RAB3B: variants seen among roughly 807,000 people sequenced by gnomAD.
RAB3B encodes RAB3B, member RAS oncogene family.
RAB3B carries 11 observed loss-of-function variants against 20.5 expected under a neutral mutation model. The ratio of observed to expected loss-of-function variants is 0.54; its 90% CI spans 0.34 to 0.89. The LOEUF is 0.89. Among genes scored for constraint, RAB3B ranks in the 40% least tolerant of loss-of-function variants. The pLI, the probability that RAB3B is intolerant of heterozygous loss-of-function variation, is 0.02. For missense variants in RAB3B, 225 were observed against 280.9 expected, an observed-to-expected ratio of 0.80 and a Z score of 1.42; for synonymous variants, 99 against 106.3, an observed-to-expected ratio of 0.93 and a Z score of 0.42.
intron 4 of RAB3B, 91 bp downstream of exon 4, chr1:51,933,227 A>G (rs1279407146): frequency 7.2e-7 from 1 of 1,383,530 alleles, no homozygotes; most frequent in African/African-American, 1.4e-5. Flanking sequence ...CACTAATGTC[A>G]TAAATACAAA....
chr1:51,955,331 T>C (rs1172594405), intron 2 of RAB3B, among the ~76,000 whole-genome samples: 1 of 152,186 alleles, frequency 6.6e-6, no homozygotes, highest in Admixed American at 6.5e-5. Context: ...TACAGCACCC[T>C]CTGACATGAC....
chr1:51,950,359 T>C (rs1475202629), intron 2 of RAB3B, among the ~76,000 whole-genome samples: 1 of 152,238 alleles, frequency 6.6e-6, no homozygotes, highest in African/African-American at 2.4e-5. Flanking sequence ...CCAGTTTGTT[T>C]TTCTGTCTCC....
Position 51,975,885 on chromosome 1 carries a change from G to A in RAB3B, c.228+1005C>T, listed in dbSNP as rs576126775. On this transcript the variant is annotated intron_variant, in intron 2 of 4. Transcript: ENST00000371655. ...CGGGCACCTGTAGTCCCAGCTACTC[G>A]GGAGGCTGAGGCAGGAGAATCGCTT... 8.5e-5 allele frequency among the ~76,000 whole-genome samples: 13 copies of A among 152,048 alleles called. No homozygotes were observed. In the South Asian group the frequency reaches 2.5e-3, roughly 29 times the overall value.
chr1:51,946,268 C>G (rs556929811), intron 2 of RAB3B, among the ~76,000 whole-genome samples: 2 of 152,192 alleles, frequency 1.3e-5, no homozygotes, highest in East Asian at 3.9e-4. Flanking sequence ...TAAAGAAAAG[C>G]GAGGTTGGAA....
chr1:51,946,249 T>A (rs951228708), intron 2 of RAB3B, among the ~76,000 whole-genome samples: 1 of 152,202 alleles, frequency 6.6e-6, no homozygotes, highest in African/African-American at 2.4e-5. Flanking sequence ...TTGACATTTT[T>A]ATTTCACTTA....
intron 1 of RAB3B, among the ~76,000 whole-genome samples, chr1:51,981,168 C>G (rs1240275881): frequency 1.3e-5 from 2 of 152,126 alleles, no homozygotes; most frequent in Non-Finnish European, 2.9e-5. Context: ...GTAGCTGGGA[C>G]TACAGGCATG....
intron 2 of RAB3B, among the ~76,000 whole-genome samples, chr1:51,953,616 C>T (rs1430130491): frequency 6.6e-6 from 1 of 152,268 alleles, no homozygotes; most frequent in Admixed American, 6.5e-5. Context: ...CCAGCCTGAC[C>T]AACATACTAA....
chr1:51,964,580 C>A (rs1684823118), intron 2 of RAB3B, among the ~76,000 whole-genome samples: 1 of 152,038 alleles, frequency 6.6e-6, no homozygotes. Flanking sequence ...CTTAGCATAA[C>A]CAAACTGAAT....
chr1:51,944,679 G>T (rs1684541207), intron 2 of RAB3B, among the ~76,000 whole-genome samples: 1 of 152,166 alleles, frequency 6.6e-6, no homozygotes, highest in Non-Finnish European at 1.5e-5. Context: ...GGAGAACTAG[G>T]ATTAGAAGTG....
chr1:51,962,558 C>T (rs1684798243), intron 2 of RAB3B, among the ~76,000 whole-genome samples: 1 of 152,146 alleles, frequency 6.6e-6, no homozygotes, highest in African/African-American at 2.4e-5. Context: ...TCCCTCTGTT[C>T]ATGTCAATTA....
chr1:51,979,373 C>T (rs1019306270), intron 1 of RAB3B, among the ~76,000 whole-genome samples: 3 of 151,368 alleles, frequency 2.0e-5, no homozygotes, highest in Admixed American at 6.6e-5. Flanking sequence ...TGAGTTCAAG[C>T]GATTCTCCTG....
chr1:51,939,145 C>T (rs1337577824), intron 2 of RAB3B, among the ~76,000 whole-genome samples: 1 of 152,196 alleles, frequency 6.6e-6, no homozygotes, highest in Non-Finnish European at 1.5e-5. Context: ...GTTATCAGGG[C>T]ACATTGGGAT....
chr1:51,931,758 G>A (rs903914900), intron 4 of RAB3B, among the ~76,000 whole-genome samples: 110 of 152,200 alleles, frequency 7.2e-4, no homozygotes, highest in African/African-American at 2.6e-3. Flanking sequence ...GGCTGGGAAA[G>A]GTTTCATAGA....
Position 51,908,950 on chromosome 1 carries a change from G to T in RAB3B, c.*10977C>A, listed in dbSNP as rs1163241888. On this transcript the variant is annotated 3_prime_UTR_variant, in exon 5 of 5. Transcript: ENST00000371655. ...GTAAAGTGCCTAACACATGATCGATGATTTTTGTTATAATATTTGAATCAC... is the reference window on the plus strand; with the variant it reads ...GTAAAGTGCCTAACACATGATCGATTATTTTTGTTATAATATTTGAATCAC... 1.3e-5 allele frequency: 2 copies of T among 152,274 alleles called. No homozygotes were observed. Among genetic ancestry groups the T allele is most frequent in the East Asian group, 1.9e-4 (1 of 5,194 alleles). The allele number at this position is 152,274 out of a possible 1,614,324, so 9.4% of individuals were successfully genotyped here. A position where few individuals can be genotyped will look rare whatever the true frequency, so the allele number is the denominator to read the frequency against.
intron 2 of RAB3B, among the ~76,000 whole-genome samples, chr1:51,950,100 A>G (rs1684618214): frequency 6.6e-6 from 1 of 152,208 alleles, no homozygotes; most frequent in Non-Finnish European, 1.5e-5. Flanking sequence ...GGCCATGAGT[A>G]CTACTGGAAA....
intron 1 of RAB3B, among the ~76,000 whole-genome samples, chr1:51,989,614 C>T (rs1685196860): frequency 6.6e-6 from 1 of 151,818 alleles, no homozygotes; most frequent in Non-Finnish European, 1.5e-5. Context: ...GATTCCTCCA[C>T]TTGCAGCCGC....
chr1:51,967,521 C>CTTTTTTTTTTTT (rs71041868), intron 2 of RAB3B, among the ~76,000 whole-genome samples: 1,426 of 36,374 alleles, frequency 0.039, 482 homozygotes, highest in South Asian at 0.06. Flanking sequence ...TTTTCTTTTT[C>CTTTTTTTTTTTT]TTTTTTTTTT....
At position 51,911,827 on chromosome 1, in the gene RAB3B, C is replaced by T. The variant is rs1157331974; in HGVS notation, c.*8100G>A. Reference sequence around the variant, plus strand: ...TTTATAAAAATCTTAGGGAAGGATTCTGATGGGCCCTGCTTGATCACATGC... The same window carrying T: ...TTTATAAAAATCTTAGGGAAGGATTTTGATGGGCCCTGCTTGATCACATGC... On this transcript the variant is annotated 3_prime_UTR_variant, in exon 5 of 5. Coordinates refer to ENST00000371655, the MANE Select transcript of RAB3B (RefSeq NM_002867.4). The T allele has an allele frequency of 6.6e-6, 1 of 152,142 alleles. No homozygotes were observed. Among genetic ancestry groups the T allele is most frequent in the East Asian group, 1.9e-4 (1 of 5,192 alleles). 9.4% of individuals were successfully genotyped at this position (152,142 alleles called of 1,614,324 possible). A position where few individuals can be genotyped will look rare whatever the true frequency, so the allele number is the denominator to read the frequency against.
chr1:51,989,103 G>GCGCGCACACACACACACACACACACA (rs377673682), intron 1 of RAB3B, among the ~76,000 whole-genome samples: 9 of 132,674 alleles, frequency 6.8e-5, no homozygotes, highest in Non-Finnish European at 8.1e-5. Context: ...CTGTGCGCGC[G>GCGCGCACACACACACACACACACACA]CACACACACA....
Sources: gnomAD v4.1 joint callset for allele counts (sites outside exome capture counted in the v4.1 genomes callset) on GRCh38, gnomAD v4.1.1 for gene constraint, MANE v1.5 for transcripts, NCBI Gene and HGNC (gene_info 2026-07-23, HGNC 2026-07-21) for gene names.